The following STK3 variants were observed in gnomAD, a reference collection of about 807,000 sequenced individuals.
The protein encoded by STK3 is serine/threonine kinase 3.
STK3 carries 41 observed loss-of-function variants against 58.0 expected under a neutral mutation model. The ratio of observed to expected loss-of-function variants is 0.71; its 90% confidence interval spans 0.55 to 0.92. STK3 has a LOEUF of 0.92. STK3 is among the 40% of genes least tolerant of loss of function. STK3 has a pLI of 0.00. For synonymous variants in STK3, 170 were observed against 191.0 expected, an observed-to-expected ratio of 0.89 and a Z score of 0.91; for missense variants, 479 against 602.7, an observed-to-expected ratio of 0.79 and a Z score of 2.15.
intron 6 of STK3, among the ~76,000 whole-genome samples, chr8:98,612,512 A>C (rs1817284891): frequency 6.6e-6 from 1 of 151,082 alleles, no homozygotes; most frequent in Non-Finnish European, 1.5e-5. Flanking sequence ...AGATGGAGAG[A>C]AGGCAGAACA....
intron 3 of STK3, among the ~76,000 whole-genome samples, chr8:98,856,996 G>A (rs940866137): frequency 7.2e-5 from 11 of 152,142 alleles, no homozygotes; most frequent in African/African-American, 1.9e-4. Flanking sequence ...ATAAAAGTCC[G>A]GAATAGAGAA....
intron 10 of STK3, among the ~76,000 whole-genome samples, chr8:98,458,655 G>A (rs1242455040): frequency 2.0e-5 from 3 of 152,268 alleles, no homozygotes; most frequent in South Asian, 2.1e-4. Flanking sequence ...CTGGTGGGAG[G>A]TGATTGGATC....
intron 8 of STK3, among the ~76,000 whole-genome samples, chr8:98,571,517 A>G (rs1812964840): frequency 6.6e-6 from 1 of 152,176 alleles, no homozygotes; most frequent in African/African-American, 2.4e-5. Flanking sequence ...TAATTGCTTT[A>G]GTGAAGCATG....
chr8:98,581,639 T>C (rs1416121343), intron 7 of STK3, among the ~76,000 whole-genome samples: 2 of 151,620 alleles, frequency 1.3e-5, no homozygotes, highest in East Asian at 3.9e-4. Flanking sequence ...AGGCTGTCCA[T>C]TTCTCCGTCC....
chr8:98,513,387 A>C (rs2131414862), intron 10 of STK3, among the ~76,000 whole-genome samples: 1 of 152,248 alleles, frequency 6.6e-6, no homozygotes, highest in East Asian at 1.9e-4. Context: ...AAGATATTAC[A>C]TCAAAGACAC....
chr8:98,557,656 A>T (rs950587642), intron 8 of STK3, among the ~76,000 whole-genome samples: 2 of 152,114 alleles, frequency 1.3e-5, no homozygotes, highest in Non-Finnish European at 2.9e-5. Context: ...AAAAACTAAG[A>T]TTTACAGTAT....
intron 4 of STK3, among the ~76,000 whole-genome samples, chr8:98,732,881 CA>C (rs1353384424): frequency 6.6e-6 from 1 of 151,330 alleles, no homozygotes; most frequent in Non-Finnish European, 1.5e-5. Flanking sequence ...TTCAAAATAA[CA>C]AAAAAAGAAA....
chr8:98,715,893 C>A (rs1307448688), intron 4 of STK3, among the ~76,000 whole-genome samples: 1 of 152,108 alleles, frequency 6.6e-6, no homozygotes, highest in Non-Finnish European at 1.5e-5. Context: ...AAATGTCCAA[C>A]AATGATAGAC....
intron 3 of STK3, among the ~76,000 whole-genome samples, chr8:98,412,011 T>C (rs1818062290): frequency 6.6e-6 from 1 of 152,146 alleles, no homozygotes; most frequent in African/African-American, 2.4e-5. Context: ...AAAAGGCCCC[T>C]CCAGTTTAAA....
At chr8:98,756,136 C>T (rs748901301) in intron 3 of STK3, among the ~76,000 whole-genome samples, 19 of 148,110 alleles carry the variant, frequency 1.3e-4, no homozygotes, top group Middle Eastern at 3.5e-3. Context: ...AGTGAGGCTC[C>T]GCCTCAAAAA....
intron 9 of STK3, among the ~76,000 whole-genome samples, chr8:98,544,249 C>T (rs1460192299): frequency 1.3e-5 from 2 of 152,142 alleles, no homozygotes; most frequent in Non-Finnish European, 2.9e-5. Flanking sequence ...TTCTCAGATG[C>T]TTATTACACA....
chr8:98,927,518 C>T (rs1839846221), intron 1 of STK3, among the ~76,000 whole-genome samples: 1 of 152,190 alleles, frequency 6.6e-6, no homozygotes, highest in Non-Finnish European at 1.5e-5. Context: ...TTACCCTGTG[C>T]TGGGAACAGT....
At chr8:98,759,177 G>A (rs1830471879) in intron 3 of STK3, among the ~76,000 whole-genome samples, 1 of 152,190 alleles carries the variant, frequency 6.6e-6, no homozygotes, top group Non-Finnish European at 1.5e-5. Context: ...GCTTATTTCG[G>A]CTTTCAACCT....
chr8:98,546,643 G>A (rs536583651), intron 9 of STK3, among the ~76,000 whole-genome samples: 36 of 152,220 alleles, frequency 2.4e-4, no homozygotes, highest in Admixed American at 3.9e-4. Context: ...GCTGGTTCTG[G>A]AGGCCATAAG....
At chr8:98,827,206 C>T (rs1277976457), upstream of STK3, among the ~76,000 whole-genome samples, 3 of 150,286 alleles carry the variant, frequency 2.0e-5, no homozygotes, top group Non-Finnish European at 4.4e-5. Context: ...CCTGGTGATG[C>T]GCCTGTACTC....
chr8:98,468,397 C>T (rs570458718), intron 10 of STK3, among the ~76,000 whole-genome samples: 3 of 152,182 alleles, frequency 2.0e-5, no homozygotes, highest in South Asian at 2.1e-4. Context: ...AACTAAAACA[C>T]CCATGAAGAG....
intron 8 of STK3, among the ~76,000 whole-genome samples, chr8:98,558,214 T>A (rs1811746199): frequency 6.6e-6 from 1 of 152,032 alleles, no homozygotes; most frequent in South Asian, 2.1e-4. Context: ...TTATAAAACA[T>A]CCACAAGAGG....
chr8:98,720,108 A>G (rs924878383), intron 4 of STK3, among the ~76,000 whole-genome samples: 5 of 152,250 alleles, frequency 3.3e-5, no homozygotes, highest in African/African-American at 1.2e-4. Context: ...TTTAAATTCA[A>G]TTATGAAATG....
intron 9 of STK3, among the ~76,000 whole-genome samples, chr8:98,547,593 A>G (rs1810808208): frequency 6.6e-6 from 1 of 152,146 alleles, no homozygotes; most frequent in Admixed American, 6.5e-5. Context: ...TTTAACTGAT[A>G]ATTTGGACAA....
Sources: allele counts gnomAD v4.1 joint callset (sites outside exome capture counted in the v4.1 genomes callset), GRCh38; gene constraint gnomAD v4.1.1; transcripts MANE v1.5; gene names NCBI Gene and HGNC (gene_info 2026-07-23, HGNC 2026-07-21).